Variants in TUBGCP3 observed in about 807,000 individuals in gnomAD.
The protein encoded by TUBGCP3 is tubulin gamma complex component 3, also known as gamma-tubulin complex component 3.
Under a neutral mutation model 123.1 loss-of-function variants are expected in TUBGCP3, and 50 were observed. The ratio of observed to expected loss-of-function variants is 0.41; its 90% CI spans 0.32 to 0.51. The LOEUF is 0.51. TUBGCP3 is among the 20% of genes least tolerant of loss of function. TUBGCP3 has a pLI of 0.36. For synonymous variants in TUBGCP3, 405 were observed against 413.9 expected, an observed-to-expected ratio of 0.98 and a Z score of 0.26; for missense variants, 882 against 1,127.0, an observed-to-expected ratio of 0.78 and a Z score of 3.11.
intron 1 of TUBGCP3, among the ~76,000 whole-genome samples, chr13:112,584,778 AC>A (rs1158851814): frequency 4.0e-4 from 61 of 152,376 alleles, no homozygotes; most frequent in African/African-American, 1.4e-3. Context: ...AAGAAGTGTT[AC>A]CTCTGACAGA....
At chr13:112,513,800 G>T (rs1044808286) in intron 17 of TUBGCP3, among the ~76,000 whole-genome samples, 2 of 152,196 alleles carry the variant, frequency 1.3e-5, no homozygotes, top group African/African-American at 4.8e-5. Flanking sequence ...AAGGAAATAT[G>T]GTAGTCCCCC....
At position 112,485,472 on chromosome 13, in the gene TUBGCP3, G is replaced by A. The variant is rs1030897615; in HGVS notation, c.*521C>T. On this transcript the variant is annotated 3_prime_UTR_variant, in exon 22 of 22. Transcript: ENST00000261965. ...ATTAAGATACAAAGGATCTCACAGA[G>A]GTTAATATTTTACAACACTAAAAAA... 2.0e-5 allele frequency: 3 copies of A among 152,210 alleles called. No individual in the cohort carries two copies. The highest frequency in any genetic ancestry group is 4.4e-5 in the Non-Finnish European group (3 of 68,082). The allele number at this position is 152,210 out of a possible 1,614,324, so 9.4% of individuals were successfully genotyped here.
chr13:112,504,618 A>T lies in TUBGCP3; in HGVS notation c.2175+8T>A, dbSNP rs1276857214. 6.2e-7 allele frequency: 1 copy of T among 1,612,008 alleles called. No individual in the cohort carries two copies. The highest frequency in any genetic ancestry group is 8.5e-7 in the Non-Finnish European group (1 of 1,178,400). On this transcript the variant is annotated splice_region_variant and intron_variant, in intron 18 of 21. Coordinates refer to ENST00000261965, the MANE Select transcript of TUBGCP3 (RefSeq NM_006322.6). The stretch of plus-strand genomic sequence containing the variant: ...TAAACTAAAATCAACACAATGACTG[A>T]AGTGTACCTCAAATGTGATGTAATA...
chr13:112,508,278 AT>A lies in TUBGCP3; in HGVS notation c.2087-3565del, dbSNP rs1374688025. 6.6e-6 allele frequency among the ~76,000 whole-genome samples: 1 copy of A among 152,020 alleles called. No homozygotes were observed. The highest frequency in any genetic ancestry group is 1.5e-5 in the Non-Finnish European group (1 of 67,996). ...TGAATCCATCTATTCCTCCTCTGTG[AT>A]TTTCAGCCTCCCCCTCCTTCTCCAT... On this transcript the variant is annotated intron_variant, in intron 17 of 21. Transcript: ENST00000261965. This position sits in a 1 kb window ranked among gnomAD's most constrained non-coding sequence, Gnocchi z 4.2.
intron 3 of TUBGCP3, among the ~76,000 whole-genome samples, chr13:112,562,954 C>A (rs935976711): frequency 1.3e-5 from 2 of 152,222 alleles, no homozygotes; most frequent in African/African-American, 4.8e-5. Context: ...GCACCACCTA[C>A]CATGCCGCCA....
At chr13:112,528,614 T>C (rs1296315492) in intron 11 of TUBGCP3, among the ~76,000 whole-genome samples, 2 of 152,252 alleles carry the variant, frequency 1.3e-5, no homozygotes, top group Admixed American at 6.5e-5. Flanking sequence ...TAGTGACCAT[T>C]TGTGAATCAT....
Position 112,547,727 on chromosome 13 carries a change from A to G in TUBGCP3, c.1061T>C (p.Val354Ala). ...TAAACTACTCTCAAGTCCCAAATTCACACCCTGGTCATCCTCTAGTTGTAG... is the reference window on the plus strand; with the variant it reads ...TAAACTACTCTCAAGTCCCAAATTCGCACCCTGGTCATCCTCTAGTTGTAG... ...SQLQLEDDQGVNLGLESSLTL... is the reference protein window; with the variant it reads ...SQLQLEDDQGANLGLESSLTL... The change falls in exon 10 of 22, where the codon GTG (valine) becomes GCG (alanine). Residue 354 changes from valine (V) to alanine (A), a missense_variant. Physicochemically the swap from Val to Ala is moderately conservative, Grantham distance 64. Transcript: ENST00000261965. 6.6e-7 allele frequency: 1 copy of G among 1,525,440 alleles called. No homozygotes were observed. Among genetic ancestry groups the G allele is most frequent in the Non-Finnish European group, 8.8e-7 (1 of 1,134,530 alleles). The allele number at this position is 1,525,440 out of a possible 1,614,324, so 94.5% of individuals were successfully genotyped here.
chr13:112,574,078 C>T (rs1312952292), intron 1 of TUBGCP3, among the ~76,000 whole-genome samples: 2 of 149,864 alleles, frequency 1.3e-5, no homozygotes, highest in African/African-American at 4.9e-5. Flanking sequence ...CAAGTGGGCA[C>T]TCTGAGCTCA....
At chr13:112,592,807 G>A (rs1166927500), upstream of TUBGCP3, among the ~76,000 whole-genome samples, 3 of 152,130 alleles carry the variant, frequency 2.0e-5, no homozygotes, top group Admixed American at 6.5e-5. The surrounding 1 kb of genome is among the most constrained non-coding windows in gnomAD (Gnocchi z 4.1). Context: ...CTTCAGACAC[G>A]GCAGTGCACT....
intron 11 of TUBGCP3, among the ~76,000 whole-genome samples, chr13:112,535,713 C>A (rs1877990388): frequency 6.6e-6 from 1 of 152,118 alleles, no homozygotes; most frequent in Non-Finnish European, 1.5e-5. Context: ...AAATACTTTT[C>A]TCCCACTCTG....
At chr13:112,568,374 T>C (rs548286740) in intron 2 of TUBGCP3, among the ~76,000 whole-genome samples, 28 of 151,166 alleles carry the variant, frequency 1.9e-4, no homozygotes, top group Non-Finnish European at 3.2e-4. Context: ...CTAGAACGTG[T>C]TATTACTGAG....
chr13:112,585,251 T>C (rs1426096167), intron 1 of TUBGCP3, among the ~76,000 whole-genome samples: 1 of 152,214 alleles, frequency 6.6e-6, no homozygotes, highest in East Asian at 1.9e-4. Flanking sequence ...TGCTCACTAA[T>C]CAAATTTTTA....
chr13:112,590,056 G>T (rs907172867), upstream of TUBGCP3, among the ~76,000 whole-genome samples: 2 of 151,022 alleles, frequency 1.3e-5, no homozygotes, highest in African/African-American at 2.4e-5. Flanking sequence ...GCAATGGCGT[G>T]AACTCCACCT....
chr13:112,605,157 A>T, the TUBGCP3 span: 2 of 152,026 alleles, frequency 1.3e-5, no homozygotes, highest in African/African-American at 4.8e-5. Context: ...AAATACAAAA[A>T]AATTAGCCGG....
intron 3 of TUBGCP3, among the ~76,000 whole-genome samples, chr13:112,562,566 G>GAGAC (rs1029394545): frequency 1.3e-5 from 2 of 152,168 alleles, no homozygotes; most frequent in African/African-American, 4.8e-5. Context: ...AGCCAACCGG[G>GAGAC]AGACACACAG....
chr13:112,496,150 T>A (rs1035097976), intron 20 of TUBGCP3, among the ~76,000 whole-genome samples: 11 of 152,196 alleles, frequency 7.2e-5, no homozygotes, highest in African/African-American at 2.7e-4. Flanking sequence ...GAAACCAATG[T>A]TTTCAACACT....
At chr13:112,527,109 C>G (rs1467261805) in intron 12 of TUBGCP3, 59 bp from the exon 13 acceptor site, 21 of 1,400,184 alleles carry the variant, frequency 1.5e-5, no homozygotes, top group Non-Finnish European at 2.1e-5. Flanking sequence ...CTGCCCAAAT[C>G]TACAAATATT....
chr13:112,548,217 T>A, intron 8 of TUBGCP3, 41 bp from the exon 9 acceptor site: 1 of 1,490,658 alleles, frequency 6.7e-7, no homozygotes, highest in Non-Finnish European at 9.2e-7. Context: ...GACACACTCA[T>A]TACACATTGA....
chr13:112,604,782 T>C, the TUBGCP3 span: 1 of 152,302 alleles, frequency 6.6e-6, no homozygotes, highest in South Asian at 2.1e-4. Context: ...ACACTTGTGA[T>C]TGCACTACAC....
Sources: gnomAD v4.1 joint callset for allele counts (sites outside exome capture counted in the v4.1 genomes callset) on GRCh38, gnomAD v4.1.1 for gene constraint, Gnocchi (gnomAD v3.1) non-coding constraint, MANE v1.5 for transcripts, NCBI Gene and HGNC (gene_info 2026-07-23, HGNC 2026-07-21) for gene names.